The following PTPRN2 variants were observed in gnomAD, a reference collection of about 807,000 sequenced individuals.
The protein encoded by PTPRN2 is receptor-type tyrosine-protein phosphatase N2.
PTPRN2 carries 74 observed loss-of-function variants against 118.8 expected under a neutral mutation model. That is an observed-to-expected ratio of 0.62 (90% CI 0.52 to 0.76). The LOEUF (loss-of-function observed/expected upper bound fraction) is 0.76. Ranked by LOEUF, PTPRN2 falls within the 30% of genes least tolerant of loss-of-function variation. PTPRN2 has a pLI of 0.00. For missense variants in PTPRN2, 1,481 were observed against 1,394.4 expected (o/e 1.06, Z -0.99); for synonymous variants, 641 against 608.0 (o/e 1.05, Z -0.80).
At chr7:158,532,293 C>T (rs141159819) in intron 1 of PTPRN2, among the ~76,000 whole-genome samples, 15 of 152,308 alleles carry the variant, frequency 9.8e-5, no homozygotes, top group East Asian at 1.9e-4. Context: ...TCTCAAGCCA[C>T]GTCACGTCTC....
intron 12 of PTPRN2, among the ~76,000 whole-genome samples, chr7:157,795,891 C>A (rs1804838727): frequency 1.3e-5 from 2 of 152,234 alleles, no homozygotes; most frequent in African/African-American, 4.8e-5. Context: ...TGAAGCAGAA[C>A]AAACACATGT....
chr7:158,536,798 C>G (rs544100327), intron 1 of PTPRN2, among the ~76,000 whole-genome samples: 1 of 150,598 alleles, frequency 6.6e-6, no homozygotes, highest in South Asian at 2.1e-4. Context: ...ACCTTCCCAG[C>G]CTGCCATCAC....
At chr7:157,586,342 C>G (rs1800674584) in intron 17 of PTPRN2, among the ~76,000 whole-genome samples, 1 of 152,198 alleles carries the variant, frequency 6.6e-6, no homozygotes, top group Non-Finnish European at 1.5e-5. Context: ...ACTCCAGAGT[C>G]AGTGAGATCC....
rs1563388860 is a variant in PTPRN2 at position 158,071,001 on chromosome 7, A to ACGGTGGAGGTGCCCG, written c.1723+10296_1723+10297insCGGGCACCTCCACCG. Among the ~76,000 whole-genome samples the ACGGTGGAGGTGCCCG allele has an allele frequency of 1.1e-3, 49 of 42,926 alleles. 1 individual carries two copies. Among genetic ancestry groups the ACGGTGGAGGTGCCCG allele is most frequent in the East Asian group, 3.5e-3 (5 of 1,448 alleles). 28.2% of individuals were successfully genotyped at this position (42,926 alleles called of 152,430 possible). A position where few individuals can be genotyped will look rare whatever the true frequency, so the allele number is the denominator to read the frequency against. Reference sequence around the variant, plus strand: ...GGTGCCCGTGGTGGTGGAGGTGCTCATGGTGGTGGAGGTGCTCGTGGTGGA... The same window carrying ACGGTGGAGGTGCCCG: ...GGTGCCCGTGGTGGTGGAGGTGCTCACGGTGGAGGTGCCCGTGGTGGTGGAGGTGCTCGTGGTGGA... On this transcript the variant is annotated intron_variant, in intron 11 of 22. Transcript: ENST00000389418.
rs561108739 is a variant in PTPRN2 at position 157,853,743 on chromosome 7, G to A, written c.1788+44930C>T. Reference sequence around the variant, plus strand: ...CGTAGGTCTGAGGGAGATACTCCCCGTGTTTTGGGATGAATTGAGTTCCCC... The same window carrying A: ...CGTAGGTCTGAGGGAGATACTCCCCATGTTTTGGGATGAATTGAGTTCCCC... On this transcript the variant is annotated intron_variant, in intron 12 of 22. Coordinates refer to ENST00000389418, the MANE Select transcript of PTPRN2 (RefSeq NM_002847.5). Among the ~76,000 whole-genome samples the A allele has an allele frequency of 1.5e-4, 23 of 152,284 alleles. No individual in the cohort carries two copies. The East Asian group carries it at 2.1e-3, about 14-fold the overall frequency.
intron 1 of PTPRN2, among the ~76,000 whole-genome samples, chr7:158,572,033 C>A (rs1828071285): frequency 6.6e-6 from 1 of 152,138 alleles, no homozygotes; most frequent in South Asian, 2.1e-4. Context: ...TCTGGAAGCA[C>A]AGAAGGTTCT....
At chr7:157,721,631 C>T (rs897959968) in intron 12 of PTPRN2, among the ~76,000 whole-genome samples, 1 of 152,176 alleles carries the variant, frequency 6.6e-6, no homozygotes, top group South Asian at 2.1e-4. Flanking sequence ...CTGGGTGTGC[C>T]CGAGCTTGCT....
intron 2 of PTPRN2, among the ~76,000 whole-genome samples, chr7:158,367,098 T>C (rs1809596736): frequency 6.6e-6 from 1 of 152,098 alleles, no homozygotes; most frequent in Non-Finnish European, 1.5e-5. Context: ...AGAGACAAGC[T>C]CAGGACTCGT....
At chr7:157,940,710 GTGACACTGCAAATCTAACGCCCTGCCCCA>G (rs1800013938) in intron 11 of PTPRN2, among the ~76,000 whole-genome samples, 1 of 40,308 alleles carries the variant, frequency 2.5e-5, no homozygotes, top group Non-Finnish European at 4.7e-5. Context: ...ACGCCCCCCC[GTGACACTGCAAATCTAACGCCCTGCCCCA>G]TGACACTGCA....
rs1439556611 is a variant in PTPRN2, at chr7:157,596,835, C to G, written c.2419-1520G>C. Among the ~76,000 whole-genome samples, 2 of 152,224 alleles carry G rather than the reference C, an allele frequency of 1.3e-5. No homozygotes were observed. Among genetic ancestry groups the G allele is most frequent in the Non-Finnish European group, 2.9e-5 (2 of 68,050 alleles). Reference sequence around the variant, plus strand: ...CTATCAGGGTTTGATTCGAGATTTACAATGTTCAGATTTCAAGGTAATTAT... The same window carrying G: ...CTATCAGGGTTTGATTCGAGATTTAGAATGTTCAGATTTCAAGGTAATTAT... On this transcript the variant is annotated intron_variant, in intron 16 of 22. Transcript: ENST00000389418. The surrounding 1 kb of genome is among the most constrained non-coding windows in gnomAD (Gnocchi z 4.2).
intron 12 of PTPRN2, among the ~76,000 whole-genome samples, chr7:157,798,818 G>A (rs984999397): frequency 2.6e-5 from 4 of 151,872 alleles, no homozygotes; most frequent in Non-Finnish European, 5.9e-5. Flanking sequence ...AGATGCTGGT[G>A]CTGTGGGGTG....
chr7:157,949,168 G>C (rs1056737769), intron 11 of PTPRN2, among the ~76,000 whole-genome samples: 4 of 152,178 alleles, frequency 2.6e-5, no homozygotes, highest in African/African-American at 9.7e-5. Flanking sequence ...TTGTATGTAA[G>C]ATAAGGGATA....
intron 11 of PTPRN2, among the ~76,000 whole-genome samples, chr7:157,971,126 A>C (rs1018734641): frequency 3.3e-5 from 5 of 152,318 alleles, no homozygotes; most frequent in South Asian, 4.1e-4. Flanking sequence ...GTTCTTCAAG[A>C]AAAGAGCTGG....
At position 158,015,893 on chromosome 7, in the gene PTPRN2, G is replaced by A. The variant is rs1414890175; in HGVS notation, c.1723+65405C>T. ...AGGGGGAACAAAAGGGTCAGCTTCC[G>A]CTAAGAAAGCCTCAGCCACGTCCCT... On this transcript the variant is annotated intron_variant, in intron 11 of 22. Coordinates refer to ENST00000389418, the MANE Select transcript of PTPRN2 (RefSeq NM_002847.5). This position sits in a 1 kb window ranked among gnomAD's most constrained non-coding sequence, Gnocchi z 4.2. 6.6e-6 allele frequency among the ~76,000 whole-genome samples: 1 copy of A among 152,158 alleles called. No individual in the cohort carries two copies. The highest frequency in any genetic ancestry group is 1.5e-5 in the Non-Finnish European group (1 of 68,032).
chr7:157,931,891 G>A (rs1291216660), intron 11 of PTPRN2, among the ~76,000 whole-genome samples: 1 of 152,064 alleles, frequency 6.6e-6, no homozygotes, highest in East Asian at 1.9e-4. Flanking sequence ...ATTTTAGGTT[G>A]GTCATGGCTT....
At chr7:158,217,363 T>C (rs991672593) in intron 3 of PTPRN2, among the ~76,000 whole-genome samples, 1 of 152,146 alleles carries the variant, frequency 6.6e-6, no homozygotes, top group Non-Finnish European at 1.5e-5. Context: ...CTCGGCCCTA[T>C]GAAAAAATTC....
chr7:158,118,638 A>G (rs1563459354), intron 9 of PTPRN2, among the ~76,000 whole-genome samples: 1 of 152,228 alleles, frequency 6.6e-6, no homozygotes, highest in East Asian at 1.9e-4. Context: ...TTTAAGGACT[A>G]TTTCTATAGT....
intron 11 of PTPRN2, among the ~76,000 whole-genome samples, chr7:158,036,660 GA>G (rs1219749140): frequency 6.6e-6 from 1 of 152,150 alleles, no homozygotes; most frequent in Non-Finnish European, 1.5e-5. Flanking sequence ...ATTAAAGGGA[GA>G]AAAAGTCCAG....
intron 1 of PTPRN2, among the ~76,000 whole-genome samples, chr7:158,578,537 T>TAAAAAAAAAA (rs59811856): frequency 0.19 from 23,551 of 123,596 alleles, 2,687 homozygotes; most frequent in East Asian, 0.37. Context: ...CCTGTCTCTG[T>TAAAAAAAAAA]AAAAAAAAAA....
Sources: allele counts gnomAD v4.1 joint callset (sites outside exome capture counted in the v4.1 genomes callset), GRCh38; gene constraint gnomAD v4.1.1; non-coding constraint Gnocchi (gnomAD v3.1); transcripts MANE v1.5; gene names NCBI Gene and HGNC (gene_info 2026-07-23, HGNC 2026-07-21).